The following SNX1 variants were observed in gnomAD, a reference collection of about 807,000 sequenced individuals.
The protein encoded by SNX1 is sorting nexin 1.
SNX1 carries 36 observed loss-of-function variants against 71.8 expected under a neutral mutation model. The observed-to-expected ratio is 0.50, with a 90% CI of 0.38 to 0.66. The LOEUF (loss-of-function observed/expected upper bound fraction) is 0.66, where lower values mean the gene tolerates loss of function less well. SNX1 is among the 30% of genes least tolerant of loss of function. SNX1 has a pLI of 0.00. For missense variants in SNX1, 612 were observed against 646.7 expected (o/e 0.95, Z 0.58); for synonymous variants, 254 against 240.7 (o/e 1.06, Z -0.51).
At chr15:64,108,860 C>T (rs942406273) in intron 1 of SNX1, among the ~76,000 whole-genome samples, 8 of 151,550 alleles carry the variant, frequency 5.3e-5, no homozygotes, top group South Asian at 2.1e-4. Flanking sequence ...TGGTGGTGGG[C>T]GCCCATAATC....
In SNX1 at chr15:64,096,190, G is replaced by T. The variant is rs1238011592; in HGVS notation, c.159+18G>T. The T allele has an allele frequency of 5.8e-6, 9 of 1,545,944 alleles. No individual in the cohort carries two copies. In the South Asian group the frequency reaches 6.0e-5, roughly 10 times the overall value. ...CGGTGGTCGTGAGTTTGCACCCCTCGGGGTAGCAGGCGGGAGGGCACCCCG... is the reference window on the plus strand; with the variant it reads ...CGGTGGTCGTGAGTTTGCACCCCTCTGGGTAGCAGGCGGGAGGGCACCCCG... On this transcript the variant is annotated intron_variant, in intron 1 of 14. Coordinates refer to ENST00000559844, the MANE Select transcript of SNX1 (RefSeq NM_003099.5).
intron 1 of SNX1, among the ~76,000 whole-genome samples, chr15:64,109,370 C>T (rs1595981881): frequency 1.3e-5 from 2 of 152,054 alleles, no homozygotes. Context: ...AAGAAAAATG[C>T]ACACCTAAGT....
rs2081439995 is a variant in SNX1 at position 64,144,006 on chromosome 15, T to A, written c.*6388T>A. ...TATTCATTGACAAGGAAAACTCATA[T>A]TTTTTAGTGAAAAAAGCAGGTTATA... On this transcript the variant is annotated 3_prime_UTR_variant, in exon 15 of 15. Transcript: ENST00000559844. The surrounding 1 kb of genome is among the most constrained non-coding windows in gnomAD (Gnocchi z 4.3). 1 of 152,222 alleles carries A rather than the reference T, an allele frequency of 6.6e-6. No individual in the cohort carries two copies. The highest frequency in any genetic ancestry group is 1.5e-5 in the Non-Finnish European group (1 of 68,040). The allele number at this position is 152,222 out of a possible 1,614,324, so 9.4% of individuals were successfully genotyped here.
In SNX1 at chr15:64,134,472, G is replaced by C; in HGVS notation, c.1222-192G>C. On this transcript the variant is annotated intron_variant, in intron 11 of 14. Coordinates refer to ENST00000559844, the MANE Select transcript of SNX1 (RefSeq NM_003099.5). The surrounding 1 kb of genome is among the most constrained non-coding windows in gnomAD (Gnocchi z 4.1). The stretch of plus-strand genomic sequence containing the variant: ...GCAGCATGGCACTGGCCTTCTGGAA[G>C]CTTGGAGAGGAGTCTTACCCAAGCT... 1.6e-6 allele frequency: 1 copy of C among 613,852 alleles called. No homozygotes were observed. The highest frequency in any genetic ancestry group is 2.8e-6 in the Non-Finnish European group (1 of 357,608). 38.0% of individuals were successfully genotyped at this position (613,852 alleles called of 1,614,324 possible).
At chr15:64,105,840 C>T (rs980489763) in intron 1 of SNX1, among the ~76,000 whole-genome samples, 4 of 152,150 alleles carry the variant, frequency 2.6e-5, no homozygotes, top group Non-Finnish European at 5.9e-5. Context: ...CCCATCCTTC[C>T]AGCTCTCCCT....
chr15:64,129,127 A>G lies in SNX1; in HGVS notation c.808-789A>G, dbSNP rs570328755. ...CGGGTCGTGGTGGCGGGCACCTATA[A>G]TCCCAGCTACTTGGGAGGCTGAGGC... On this transcript the variant is annotated intron_variant, in intron 8 of 14. Transcript: ENST00000559844. This position sits in a 1 kb window ranked among gnomAD's most constrained non-coding sequence, Gnocchi z 4.4. 2.0e-5 allele frequency among the ~76,000 whole-genome samples: 3 copies of G among 152,170 alleles called. No individual in the cohort carries two copies. The East Asian group carries it at 5.8e-4, about 29-fold the overall frequency.
rs1358158148 is a variant in SNX1 at position 64,131,862 on chromosome 15, T to C, written c.1191T>C (p.Ser397=). ...NDFFLLAELL[S]DYIRLLAIVR... ...TCTTCCTCCTTGCTGAGCTCCTGAG[T>C]GACTACATTCGCCTCCTGGCCATAG... Residue 397 remains serine, a synonymous_variant, in exon 11 of 15, where the codon AGT becomes AGC. Transcript: ENST00000559844. 2 of 1,614,242 alleles carry C rather than the reference T, an allele frequency of 1.2e-6. No individual in the cohort carries two copies. The highest frequency in any genetic ancestry group is 1.7e-6 in the Non-Finnish European group (2 of 1,180,036).
chr15:64,102,571 C>T (rs1567315959), intron 1 of SNX1, among the ~76,000 whole-genome samples: 1 of 152,094 alleles, frequency 6.6e-6, no homozygotes, highest in African/African-American at 2.4e-5. Context: ...CCATTGTACC[C>T]TCTACCTCCA....
intron 2 of SNX1, among the ~76,000 whole-genome samples, chr15:64,115,950 G>C (rs1208632850): frequency 6.6e-6 from 1 of 152,172 alleles, no homozygotes; most frequent in African/African-American, 2.4e-5. Flanking sequence ...TTGTTTCAGA[G>C]ACTTCTAATA....
At chr15:64,111,040 G>T (rs2081073237) in intron 1 of SNX1, among the ~76,000 whole-genome samples, 1 of 152,160 alleles carries the variant, frequency 6.6e-6, no homozygotes. Flanking sequence ...AATGTATACT[G>T]GATTTTAATC....
At chr15:64,101,662 AT>A (rs1567315539) in intron 1 of SNX1, among the ~76,000 whole-genome samples, 1 of 152,100 alleles carries the variant, frequency 6.6e-6, no homozygotes, top group African/African-American at 2.4e-5. Flanking sequence ...TCTATTTTCA[AT>A]TGTTTGAAGA....
chr15:64,105,390 A>G lies in SNX1; in HGVS notation c.160-7183A>G, dbSNP rs533026145. Among the ~76,000 whole-genome samples, 21 of 152,202 alleles carry G rather than the reference A, an allele frequency of 1.4e-4. 1 individual carries two copies. The highest frequency in any genetic ancestry group is 4.1e-4 in the African/African-American group (17 of 41,532). On this transcript the variant is annotated intron_variant, in intron 1 of 14. Transcript: ENST00000559844. ...ACTGGAGAAAAGAAAAAAAAATCTG[A>G]TATCTCTTCCTTGGTCCTCAAGCTT...
Position 64,128,825 on chromosome 15 carries a change from G to C in SNX1, c.807+1019G>C, listed in dbSNP as rs183774815. The stretch of plus-strand genomic sequence containing the variant: ...TAGGGGTTGTCCTATGCATTGTAGA[G>C]GGTTTTAGCAGCATTCCTGGTACCT... On this transcript the variant is annotated intron_variant, in intron 8 of 14. Transcript: ENST00000559844. 3.7e-4 allele frequency among the ~76,000 whole-genome samples: 57 copies of C among 152,202 alleles called. No homozygotes were observed. The East Asian group carries it at 0.011, about 29-fold the overall frequency.
At chr15:64,111,340 C>A (rs1008174107) in intron 1 of SNX1, 1 of 152,210 alleles carries the variant, frequency 6.6e-6, no homozygotes, top group Non-Finnish European at 1.5e-5. Context: ...GCTTATACAA[C>A]TAAGTGTTCA....
Position 64,131,785 on chromosome 15 carries a change from G to A in SNX1, c.1114G>A (p.Glu372Lys), listed in dbSNP as rs763965302. 7 of 1,614,082 alleles carry A rather than the reference G, an allele frequency of 4.3e-6. No homozygotes were observed. Among genetic ancestry groups the A allele is most frequent in the Non-Finnish European group, 4.2e-6 (5 of 1,180,044 alleles). Residue 372 changes from glutamate to lysine, a missense_variant, in exon 11 of 15, where the codon GAG becomes AAG. By Grantham distance (56) the Glu-to-Lys change is moderately conservative (BLOSUM62 1). Coordinates refer to ENST00000559844, the MANE Select transcript of SNX1 (RefSeq NM_003099.5). ...ALSRALSQLAEVEEKIEQLHQ... is the reference protein window; with the variant it reads ...ALSRALSQLAKVEEKIEQLHQ... ...GTCACGGGCACTCTCCCAGCTGGCT[G>A]AGGTGGAAGAAAAAATTGAGCAGCT... is the stretch of plus-strand genomic sequence containing the variant.
chr15:64,129,925 G>A lies in SNX1; in HGVS notation c.817G>A (p.Ala273Thr). 1.2e-6 allele frequency: 2 copies of A among 1,613,682 alleles called. No homozygotes were observed. The highest frequency in any genetic ancestry group is 1.7e-6 in the Non-Finnish European group (2 of 1,179,644). ...EFLEKEELPR[A>T]VGTQTLSGAG... ...CTTCTTGGTCTTGTAGCTGCCACGT[G>A]CCGTGGGTACCCAGACATTGAGTGG... Residue 273 changes from alanine (A) to threonine (T), a missense_variant, in exon 9 of 15, where the codon GCC becomes ACC. Physicochemically the swap from Ala to Thr is moderately conservative, Grantham distance 58. Around this residue, in one of 2 missense-constraint regions of SNX1, gnomAD observed 296 missense variants for 361.9 expected, o/e 0.82. Coordinates refer to ENST00000559844, the MANE Select transcript of SNX1 (RefSeq NM_003099.5). This position sits in a 1 kb window ranked among gnomAD's most constrained non-coding sequence, Gnocchi z 4.4.
Position 64,140,315 on chromosome 15 carries a change from G to A in SNX1, c.*2697G>A, listed in dbSNP as rs1028618139. The A allele has an allele frequency of 3.9e-5, 6 of 152,192 alleles. No homozygotes were observed. The highest frequency in any genetic ancestry group is 1.3e-4 in the Admixed American group (2 of 15,288). 9.4% of individuals were successfully genotyped at this position (152,192 alleles called of 1,614,324 possible). A position where few individuals can be genotyped will look rare whatever the true frequency, so the allele number is the denominator to read the frequency against. On this transcript the variant is annotated 3_prime_UTR_variant, in exon 15 of 15. Transcript: ENST00000559844. ...ATTTATTCACTTGTTTATCAATATG[G>A]ATGCAGGGATTCCTGTTTTACTCAG...
At chr15:64,133,396 C>G (rs957361363) in intron 11 of SNX1, among the ~76,000 whole-genome samples, 10 of 152,306 alleles carry the variant, frequency 6.6e-5, no homozygotes, top group Non-Finnish European at 1.5e-4. Context: ...CCCTAAGGTT[C>G]AAGTTTTGGC....
Position 64,123,391 on chromosome 15 carries a change from A to G in SNX1, c.467-112A>G, listed in dbSNP as rs1009512007. The G allele has an allele frequency of 1.4e-5, 12 of 880,322 alleles. No homozygotes were observed. In the Admixed American group the frequency reaches 2.3e-4, roughly 17 times the overall value. The allele number at this position is 880,322 out of a possible 1,614,324, so 54.5% of individuals were successfully genotyped here. A position where few individuals can be genotyped will look rare whatever the true frequency, so the allele number is the denominator to read the frequency against. Reference sequence around the variant, plus strand: ...TATAAAGCTTGGAGATGAAACAAGCATCCCTTCTTATCCAGGGTTCCTATG... The same window carrying G: ...TATAAAGCTTGGAGATGAAACAAGCGTCCCTTCTTATCCAGGGTTCCTATG... On this transcript the variant is annotated intron_variant, in intron 4 of 14. Coordinates refer to ENST00000559844, the MANE Select transcript of SNX1 (RefSeq NM_003099.5).
Sources: allele counts gnomAD v4.1 joint callset (sites outside exome capture counted in the v4.1 genomes callset), GRCh38; gene constraint gnomAD v4.1.1; regional missense constraint gnomAD v4.1.1; non-coding constraint Gnocchi (gnomAD v3.1); transcripts MANE v1.5; gene names NCBI Gene and HGNC (gene_info 2026-07-23, HGNC 2026-07-21).